Variants in IL1R2 observed in about 807,000 individuals in gnomAD.
IL1R2 encodes the protein interleukin-1 receptor type 2.
A neutral mutation model predicts 39.5 loss-of-function variants in IL1R2; 46 were observed. The ratio of observed to expected loss-of-function variants is 1.16; its 90% CI spans 0.92 to 1.49. The LOEUF is 1.49. Ranked by LOEUF, IL1R2 falls within the 40% of genes most tolerant of loss-of-function variation. IL1R2 has a pLI of 0.00. For synonymous variants in IL1R2, 207 were observed against 189.6 expected, an observed-to-expected ratio of 1.09 and a Z score of -0.75; for missense variants, 537 against 502.0, an observed-to-expected ratio of 1.07 and a Z score of -0.67.
intron 1 of IL1R2, among the ~76,000 whole-genome samples, chr2:101,995,472 G>A (rs1675543833): frequency 6.6e-6 from 1 of 152,188 alleles, no homozygotes. Flanking sequence ...CTGTGCTCCA[G>A]GAAGGAGCAC....
In IL1R2 at chr2:102,009,651, G is replaced by A; in HGVS notation, c.157G>A (p.Val53Met). Residue 53 changes from valine to methionine, a missense_variant, in exon 3 of 9, where the codon GTG becomes ATG. Physicochemically the swap from Val to Met is conservative, Grantham distance 21 (BLOSUM62 1). Transcript: ENST00000332549. ...GEPVALRCPQ[V>M]PYWLWASVSP... is the part of the protein sequence containing the mutation. ...GCCTGTAGCCCTGAGGTGCCCCCAG[G>A]TGCCCTACTGGTTGTGGGCCTCTGT... 1 of 1,614,192 alleles carries A rather than the reference G, an allele frequency of 6.2e-7. No homozygotes were observed. Among genetic ancestry groups the A allele is most frequent in the Non-Finnish European group, 8.5e-7 (1 of 1,180,028 alleles).
chr2:102,014,954 A>AATAATT (rs1676896833), intron 3 of IL1R2, among the ~76,000 whole-genome samples: 1 of 140,480 alleles, frequency 7.1e-6, no homozygotes, highest in African/African-American at 2.7e-5. Flanking sequence ...GTAAAATAAT[A>AATAATT]ATAATAATAA....
chr2:101,996,221 G>A (rs963700689), intron 1 of IL1R2, among the ~76,000 whole-genome samples: 1 of 152,162 alleles, frequency 6.6e-6, no homozygotes, highest in African/African-American at 2.4e-5. Flanking sequence ...AGCTCACCAA[G>A]CTTCACAGAG....
chr2:102,019,561 GATA>G (rs1344405966), intron 4 of IL1R2, 74 bp from the exon 5 acceptor site: 2 of 1,022,036 alleles, frequency 2.0e-6, no homozygotes, highest in Non-Finnish European at 2.9e-6. Flanking sequence ...CACATTGGTT[GATA>G]ATGATGATGT....
In IL1R2 at chr2:102,026,238, A is replaced by G; in HGVS notation, c.1015A>G (p.Thr339Ala). 1.2e-6 allele frequency: 2 copies of G among 1,611,408 alleles called. No individual in the cohort carries two copies. The highest frequency in any genetic ancestry group is 1.7e-6 in the Non-Finnish European group (2 of 1,178,888). The change falls in exon 8 of 9, where the codon ACC becomes GCC. Residue 339 changes from threonine (T) to alanine (A), a missense_variant. Thr to Ala is a moderately conservative substitution (Grantham distance 58). Coordinates refer to ENST00000332549, the MANE Select transcript of IL1R2 (RefSeq NM_004633.4). ...HNTLSFQTLR[T>A]TVKEASSTFS... ...TACCCTGAGTTTTCAGACACTACGC[A>G]CCACAGTCAAGGAAGGTATGTATGT...
At chr2:101,998,038 G>A (rs1166028027) in intron 1 of IL1R2, among the ~76,000 whole-genome samples, 1 of 152,150 alleles carries the variant, frequency 6.6e-6, no homozygotes, top group Non-Finnish European at 1.5e-5. Context: ...TGGGGCTGTA[G>A]TGGCAGAAGA....
intron 5 of IL1R2, among the ~76,000 whole-genome samples, chr2:102,020,881 C>A (rs1383979924): frequency 6.6e-6 from 1 of 152,214 alleles, no homozygotes; most frequent in East Asian, 1.9e-4. Flanking sequence ...GCCAGCAGCG[C>A]CTCATCACCT....
intron 8 of IL1R2, among the ~76,000 whole-genome samples, chr2:102,027,345 G>C (rs1443512732): frequency 6.6e-6 from 1 of 152,116 alleles, no homozygotes; most frequent in Non-Finnish European, 1.5e-5. Context: ...TCAGATTAGT[G>C]AGCCCAAGGA....
At chr2:102,011,203 T>G (rs1676608953) in intron 3 of IL1R2, among the ~76,000 whole-genome samples, 1 of 152,224 alleles carries the variant, frequency 6.6e-6, no homozygotes, top group African/African-American at 2.4e-5. Context: ...TGAACATGGA[T>G]GTGAAGATAT....
rs1485088993 is a variant in IL1R2, at chr2:101,997,721, A to G, written c.-62+5710A>G. On this transcript the variant is annotated intron_variant, in intron 1 of 8. Transcript: ENST00000332549. ...ACCTAACAGCCACACCATTATTTCC[A>G]TTCTTCTTTAGTGCCCCTTACTTCA... is the stretch of plus-strand genomic sequence containing the variant. Among the ~76,000 whole-genome samples, 11 of 152,120 alleles carry G rather than the reference A, an allele frequency of 7.2e-5. 1 individual carries two copies. Among genetic ancestry groups the G allele is most frequent in the Non-Finnish European group, 1.5e-5 (1 of 68,000 alleles).
At chr2:101,996,336 G>A (rs2150417314) in intron 1 of IL1R2, among the ~76,000 whole-genome samples, 1 of 152,266 alleles carries the variant, frequency 6.6e-6, no homozygotes, top group Non-Finnish European at 1.5e-5. Flanking sequence ...CCCAGGGCAA[G>A]CCAGAGGTTT....
intron 6 of IL1R2, among the ~76,000 whole-genome samples, chr2:102,024,143 AAACATTAGAGCC>A (rs1394541418): frequency 2.0e-5 from 3 of 152,152 alleles, no homozygotes. Flanking sequence ...TTCCCAGGAG[AAACATTAGAGCC>A]AAGACCAGCC....
intron 3 of IL1R2, chr2:102,010,295 TG>T (rs1676541404): frequency 6.4e-6 from 1 of 157,244 alleles, no homozygotes; most frequent in Non-Finnish European, 1.4e-5. Flanking sequence ...ATTTTAGAGC[TG>T]GGTGAGACCT....
chr2:102,009,165 T>C (rs752573245), intron 2 of IL1R2, among the ~76,000 whole-genome samples: 12 of 152,202 alleles, frequency 7.9e-5, no homozygotes, highest in Non-Finnish European at 1.6e-4. Context: ...AGTTTAACCA[T>C]ACGACGTGCC....
At chr2:102,027,436 C>G (rs886413498) in intron 8 of IL1R2, among the ~76,000 whole-genome samples, 2 of 152,070 alleles carry the variant, frequency 1.3e-5, no homozygotes, top group African/African-American at 4.8e-5. Flanking sequence ...TGTGGCTGGC[C>G]GTGACTGATC....
intron 1 of IL1R2, among the ~76,000 whole-genome samples, chr2:102,001,028 G>A (rs1675830895): frequency 6.6e-6 from 1 of 152,198 alleles, no homozygotes; most frequent in African/African-American, 2.4e-5. Flanking sequence ...TTCCAGGCTA[G>A]AGGAGTGGTC....
chr2:102,027,122 A>G (rs1016264428), intron 8 of IL1R2, among the ~76,000 whole-genome samples: 2 of 152,172 alleles, frequency 1.3e-5, no homozygotes, highest in Non-Finnish European at 2.9e-5. Flanking sequence ...GGTCACAAAC[A>G]CAGATCTCAG....
chr2:102,026,209 A>G lies in IL1R2; in HGVS notation c.986A>G (p.His329Arg), dbSNP rs975973343. The G allele has an allele frequency of 7.4e-6, 12 of 1,613,420 alleles. No individual in the cohort carries two copies. The highest frequency in any genetic ancestry group is 4.4e-5 in the South Asian group (4 of 90,970). The change falls in exon 8 of 9, where the codon CAT (histidine) becomes CGT (arginine). Residue 329 changes from histidine to arginine, a missense_variant. By Grantham distance (29) the His-to-Arg change is conservative. Coordinates refer to ENST00000332549, the MANE Select transcript of IL1R2 (RefSeq NM_004633.4). ...DLHMDFKCVVHNTLSFQTLRT... is the reference protein window; with the variant it reads ...DLHMDFKCVVRNTLSFQTLRT... ...CACATGGATTTTAAATGTGTTGTCC[A>G]TAATACCCTGAGTTTTCAGACACTA...
At chr2:102,020,564 T>G (rs1460313304) in intron 5 of IL1R2, among the ~76,000 whole-genome samples, 2 of 152,186 alleles carry the variant, frequency 1.3e-5, no homozygotes, top group East Asian at 3.9e-4. Flanking sequence ...ACGCTAAGTT[T>G]AAATAATTGG....
Sources: allele counts gnomAD v4.1 joint callset (sites outside exome capture counted in the v4.1 genomes callset), GRCh38; gene constraint gnomAD v4.1.1; transcripts MANE v1.5; gene names NCBI Gene and HGNC (gene_info 2026-07-23, HGNC 2026-07-21).